ZBED2: variants seen among roughly 807,000 people sequenced by gnomAD.
ZBED2 encodes the protein zinc finger BED domain-containing protein 2.
For synonymous variants in ZBED2, 97 were observed against 98.8 expected (o/e 0.98, Z 0.11); for missense variants, 285 against 281.0 (o/e 1.01, Z -0.10).
chr3:111,593,417 T>A lies in ZBED2; in HGVS notation c.*128A>T, dbSNP rs561129460. 1 of 1,158,194 alleles carries A rather than the reference T, an allele frequency of 8.6e-7. No individual in the cohort carries two copies. The highest frequency in any genetic ancestry group is 1.6e-5 in the African/African-American group (1 of 64,508). The allele number at this position is 1,158,194 out of a possible 1,614,324, so 71.7% of individuals were successfully genotyped here. On this transcript the variant is annotated 3_prime_UTR_variant, in exon 2 of 2. Coordinates refer to ENST00000317012, the MANE Select transcript of ZBED2 (RefSeq NM_024508.5). ...CAGACCTGCTCAGATTAACTCATAC[T>A]GTGCACTATTTCACATAAAAGCAAA...
Position 111,593,322 on chromosome 3 carries a change from G to A in ZBED2, c.*223C>T. ...TGGTAGAAGCATTTATCTTTAATAGGTACATTTTAGAGTTTCGGCCAAGGG... is the reference window on the plus strand; with the variant it reads ...TGGTAGAAGCATTTATCTTTAATAGATACATTTTAGAGTTTCGGCCAAGGG... On this transcript the variant is annotated 3_prime_UTR_variant, in exon 2 of 2. Coordinates refer to ENST00000317012, the MANE Select transcript of ZBED2 (RefSeq NM_024508.5). The A allele has an allele frequency of 2.3e-6, 1 of 434,602 alleles. No individual in the cohort carries two copies. Among genetic ancestry groups the A allele is most frequent in the South Asian group, 9.8e-5 (1 of 10,242 alleles). 26.9% of individuals were successfully genotyped at this position (434,602 alleles called of 1,614,324 possible).
At position 111,593,070 on chromosome 3, in the gene ZBED2, A is replaced by G. The variant is rs914499316; in HGVS notation, c.*475T>C. On this transcript the variant is annotated 3_prime_UTR_variant, in exon 2 of 2. Transcript: ENST00000317012. The stretch of plus-strand genomic sequence containing the variant: ...ATACTGGTGGTCTGGAAACTCCACC[A>G]GTACATGTGCTAAGACCTCAGTCCT... 3 of 152,944 alleles carry G rather than the reference A, an allele frequency of 2.0e-5. No homozygotes were observed. The highest frequency in any genetic ancestry group is 4.1e-4 in the South Asian group (2 of 4,838). The allele number at this position is 152,944 out of a possible 1,614,324, so 9.5% of individuals were successfully genotyped here.
rs1937168400 is a variant in ZBED2 at position 111,594,608 on chromosome 3, T to A, written c.-407A>T. The A allele has an allele frequency of 5.6e-6, 1 of 178,654 alleles. No individual in the cohort carries two copies. The highest frequency in any genetic ancestry group is 1.8e-4 in the East Asian group (1 of 5,678). 11.1% of individuals were successfully genotyped at this position (178,654 alleles called of 1,614,324 possible). On this transcript the variant is annotated 5_prime_UTR_variant, in exon 2 of 2. Transcript: ENST00000317012. ...TTTGAATATTGAAAATTTTAGGTTT[T>A]CTTGTTTCTCCTCCTGGTTGTTTCC...
In ZBED2 at chr3:111,593,458, T is replaced by C. The variant is rs7612391; in HGVS notation, c.*87A>G. Reference sequence around the variant, plus strand: ...TAAAAGCAAAATGTCACCAAACTACTTTGCTTTACATTTGAGTTGAAACTA... The same window carrying C: ...TAAAAGCAAAATGTCACCAAACTACCTTGCTTTACATTTGAGTTGAAACTA... On this transcript the variant is annotated 3_prime_UTR_variant, in exon 2 of 2. Transcript: ENST00000317012. 0.036 allele frequency: 52,630 copies of C among 1,464,614 alleles called. 1,215 individuals carry two copies. Among genetic ancestry groups the C allele is most frequent in the South Asian group, 0.095 (6,471 of 67,814 alleles). 90.7% of individuals were successfully genotyped at this position (1,464,614 alleles called of 1,614,324 possible).
At position 111,594,030 on chromosome 3, in the gene ZBED2, A is replaced by C; in HGVS notation, c.172T>G (p.Trp58Gly). ...HNKGTRFSEA[W>G]EYFHLAPARA... ...GCAGGAGCTAGGTGGAAATATTCCCATGCCTCAGAGAACCGGGTGCCCTTG... is the reference window on the plus strand; with the variant it reads ...GCAGGAGCTAGGTGGAAATATTCCCCTGCCTCAGAGAACCGGGTGCCCTTG... The change falls in exon 2 of 2, where the codon TGG becomes GGG. Residue 58 changes from tryptophan to glycine, a missense_variant. Coordinates refer to ENST00000317012, the MANE Select transcript of ZBED2 (RefSeq NM_024508.5). The C allele has an allele frequency of 6.2e-7, 1 of 1,614,102 alleles. No homozygotes were observed. Among genetic ancestry groups the C allele is most frequent in the Non-Finnish European group, 8.5e-7 (1 of 1,180,000 alleles).
chr3:111,593,822 T>A lies in ZBED2; in HGVS notation c.380A>T (p.His127Leu). Residue 127 changes from histidine to leucine, a missense_variant, in exon 2 of 2, where the codon CAC becomes CTC. Coordinates refer to ENST00000317012, the MANE Select transcript of ZBED2 (RefSeq NM_024508.5). ...AATGCCTGTGGGGAGCTGGGGCCCG[T>A]GGGGCCTTGGATCCTGGCGCTGCCC... ...QAGQRQDPRPHGPQLPTGIEG... is the reference protein window; with the variant it reads ...QAGQRQDPRPLGPQLPTGIEG... 6.2e-7 allele frequency: 1 copy of A among 1,614,130 alleles called. No homozygotes were observed. Among genetic ancestry groups the A allele is most frequent in the South Asian group, 1.1e-5 (1 of 91,084 alleles).
rs146394022 is a variant in ZBED2 at position 111,593,734 on chromosome 3, C to T, written c.468G>A (p.Arg156=). Residue 156 remains arginine (R), a synonymous_variant, in exon 2 of 2, where the codon AGG becomes AGA. Transcript: ENST00000317012. ...TTTCCCTCCTAAGCACCTCCTTTTC[C>T]CTTTGGCTGGCCCACAAAGCCATGG... ...VGTMALWASQ[R]EKEVLRRERA... is the part of the protein sequence containing the mutation. The T allele has an allele frequency of 1.9e-6, 3 of 1,614,096 alleles. No homozygotes were observed. The highest frequency in any genetic ancestry group is 2.5e-6 in the Non-Finnish European group (3 of 1,180,036).
Position 111,594,736 on chromosome 3 carries a change from G to T in ZBED2, c.-535C>A, listed in dbSNP as rs999894200. The T allele has an allele frequency of 6.0e-6, 1 of 167,440 alleles. No individual in the cohort carries two copies. 10.4% of individuals were successfully genotyped at this position (167,440 alleles called of 1,614,324 possible). On this transcript the variant is annotated 5_prime_UTR_variant, in exon 2 of 2. Coordinates refer to ENST00000317012, the MANE Select transcript of ZBED2 (RefSeq NM_024508.5). ...GACCAACAGAGCTAGGGCCTCACTG[G>T]GTCTTGCTCAAAGTAGGTAAAAGCA... is the stretch of plus-strand genomic sequence containing the variant.
At position 111,593,555 on chromosome 3, in the gene ZBED2, T is replaced by G. The variant is rs1378661028; in HGVS notation, c.647A>C (p.His216Pro). ...KELPAAVHPF[H>P]FV ...TTCTCCAAGCCCAATTTAAACAAAA[T>G]GGAAGGGATGTACTGCTGCAGGCAG... The change falls in exon 2 of 2, where the codon CAT becomes CCT. Residue 216 changes from histidine to proline, a missense_variant. His to Pro is a moderately conservative substitution (Grantham distance 77, BLOSUM62 -2). Coordinates refer to ENST00000317012, the MANE Select transcript of ZBED2 (RefSeq NM_024508.5). 4 of 1,515,130 alleles carry G rather than the reference T, an allele frequency of 2.6e-6. No homozygotes were observed. The highest frequency in any genetic ancestry group is 3.5e-6 in the Non-Finnish European group (4 of 1,131,454). 93.9% of individuals were successfully genotyped at this position (1,515,130 alleles called of 1,614,324 possible).
rs147488602 is a variant in ZBED2, at chr3:111,593,840, C to A, written c.362G>T (p.Arg121Leu). The A allele has an allele frequency of 6.2e-7, 1 of 1,613,990 alleles. No homozygotes were observed. Among genetic ancestry groups the A allele is most frequent in the Non-Finnish European group, 8.5e-7 (1 of 1,180,024 alleles). The change falls in exon 2 of 2, where the codon CGC becomes CTC. Residue 121 changes from arginine (R) to leucine (L), a missense_variant. Coordinates refer to ENST00000317012, the MANE Select transcript of ZBED2 (RefSeq NM_024508.5). ...EKSGHGQAGQ[R>L]QDPRPHGPQL... is the part of the protein sequence containing the mutation. The stretch of plus-strand genomic sequence containing the variant: ...GGGCCCGTGGGGCCTTGGATCCTGG[C>A]GCTGCCCAGCCTGACCATGGCCACT...
chr3:111,593,147 A>G lies in ZBED2; in HGVS notation c.*398T>C, dbSNP rs554321704. 57 of 164,022 alleles carry G rather than the reference A, an allele frequency of 3.5e-4. No individual in the cohort carries two copies. Among genetic ancestry groups the G allele is most frequent in the South Asian group, 1.2e-3 (7 of 5,632 alleles). The allele number at this position is 164,022 out of a possible 1,614,324, so 10.2% of individuals were successfully genotyped here. A position where few individuals can be genotyped will look rare whatever the true frequency, so the allele number is the denominator to read the frequency against. ...GGGTGTCTGCAAGTGAGCTGGTCAC[A>G]TAGGCACATTCCAGCTACCTAACCA... is the stretch of plus-strand genomic sequence containing the variant. On this transcript the variant is annotated 3_prime_UTR_variant, in exon 2 of 2. Transcript: ENST00000317012.
rs2107626830 is a variant in ZBED2 at position 111,593,500 on chromosome 3, C to T, written c.*45G>A. The T allele has an allele frequency of 6.7e-7, 1 of 1,500,168 alleles. No individual in the cohort carries two copies. Among genetic ancestry groups the T allele is most frequent in the Non-Finnish European group, 8.9e-7 (1 of 1,125,070 alleles). The allele number at this position is 1,500,168 out of a possible 1,614,324, so 92.9% of individuals were successfully genotyped here. On this transcript the variant is annotated 3_prime_UTR_variant, in exon 2 of 2. Transcript: ENST00000317012. ...TTGAAACTAAAATGGCTCTTTTCTA[C>T]AAGTCTAGAGTCAATGTTTTCAGAA...
chr3:111,593,474 G>A lies in ZBED2; in HGVS notation c.*71C>T. 1 of 1,489,678 alleles carries A rather than the reference G, an allele frequency of 6.7e-7. No individual in the cohort carries two copies. Among genetic ancestry groups the A allele is most frequent in the Non-Finnish European group, 8.9e-7 (1 of 1,121,562 alleles). 92.3% of individuals were successfully genotyped at this position (1,489,678 alleles called of 1,614,324 possible). ...CCAAACTACTTTGCTTTACATTTGA[G>A]TTGAAACTAAAATGGCTCTTTTCTA... On this transcript the variant is annotated 3_prime_UTR_variant, in exon 2 of 2. Coordinates refer to ENST00000317012, the MANE Select transcript of ZBED2 (RefSeq NM_024508.5).
chr3:111,594,014 A>G lies in ZBED2; in HGVS notation c.188T>C (p.Leu63Pro). The change falls in exon 2 of 2, where the codon CTA becomes CCA. Residue 63 changes from leucine to proline, a missense_variant. Physicochemically the swap from Leu to Pro is moderately conservative, Grantham distance 98. Coordinates refer to ENST00000317012, the MANE Select transcript of ZBED2 (RefSeq NM_024508.5). ...ATGGTGCCCAGCACGAGCAGGAGCT[A>G]GGTGGAAATATTCCCATGCCTCAGA... is the stretch of plus-strand genomic sequence containing the variant. Reference protein sequence around the residue: ...RFSEAWEYFHLAPARAGHHPN... With the variant: ...RFSEAWEYFHPAPARAGHHPN... 2 of 1,614,180 alleles carry G rather than the reference A, an allele frequency of 1.2e-6. No homozygotes were observed. The highest frequency in any genetic ancestry group is 2.2e-5 in the East Asian group (1 of 44,878).
In ZBED2 at chr3:111,594,052, C is replaced by T. The variant is rs770472872; in HGVS notation, c.150G>A (p.Lys50=). ...SAMPTPMPHN[K]GTRFSEAWEY... ...CCCATGCCTCAGAGAACCGGGTGCC[C>T]TTGTTGTGGGGCATTGGAGTGGGCA... The change falls in exon 2 of 2, where the codon AAG becomes AAA. Residue 50 remains lysine, a synonymous_variant. Coordinates refer to ENST00000317012, the MANE Select transcript of ZBED2 (RefSeq NM_024508.5). 6.2e-7 allele frequency: 1 copy of T among 1,614,166 alleles called. No individual in the cohort carries two copies. The highest frequency in any genetic ancestry group is 1.3e-5 in the African/African-American group (1 of 75,054).
In ZBED2 at chr3:111,594,257, T is replaced by A; in HGVS notation, c.-56A>T. On this transcript the variant is annotated 5_prime_UTR_variant, in exon 2 of 2. Coordinates refer to ENST00000317012, the MANE Select transcript of ZBED2 (RefSeq NM_024508.5). ...TGCTTAGATGTGAGCCAAAAGCTTA[T>A]TTGAACCACAAGATTAAATATATAT... The A allele has an allele frequency of 6.6e-7, 1 of 1,509,736 alleles. No individual in the cohort carries two copies. The highest frequency in any genetic ancestry group is 1.3e-5 in the South Asian group (1 of 74,516). 93.5% of individuals were successfully genotyped at this position (1,509,736 alleles called of 1,614,324 possible). A position where few individuals can be genotyped will look rare whatever the true frequency, so the allele number is the denominator to read the frequency against.
Position 111,594,019 on chromosome 3 carries a change from G to A in ZBED2, c.183C>T (p.Phe61=). The part of the protein sequence containing the change: ...GTRFSEAWEY[F]HLAPARAGHH... ...GCCCAGCACGAGCAGGAGCTAGGTG[G>A]AAATATTCCCATGCCTCAGAGAACC... is the stretch of plus-strand genomic sequence containing the variant. The change falls in exon 2 of 2, where the codon TTC becomes TTT. Residue 61 remains phenylalanine (F), a synonymous_variant. Transcript: ENST00000317012. 6.2e-7 allele frequency: 1 copy of A among 1,614,186 alleles called. No homozygotes were observed. Among genetic ancestry groups the A allele is most frequent in the Non-Finnish European group, 8.5e-7 (1 of 1,180,018 alleles).
Position 111,593,708 on chromosome 3 carries a change from C to T in ZBED2, c.494G>A (p.Arg165Lys), listed in dbSNP as rs202151657. 22 of 1,614,036 alleles carry T rather than the reference C, an allele frequency of 1.4e-5. No homozygotes were observed. The highest frequency in any genetic ancestry group is 1.5e-5 in the Non-Finnish European group (18 of 1,180,010). The change falls in exon 2 of 2, where the codon AGG (arginine) becomes AAG (lysine). Residue 165 changes from arginine to lysine, a missense_variant. Arg to Lys is a conservative substitution (Grantham distance 26). Coordinates refer to ENST00000317012, the MANE Select transcript of ZBED2 (RefSeq NM_024508.5). ...AGCCCTCTCCCGCCATTCCACTGCCCTTTCCCTCCTAAGCACCTCCTTTTC... is the reference window on the plus strand; with the variant it reads ...AGCCCTCTCCCGCCATTCCACTGCCTTTTCCCTCCTAAGCACCTCCTTTTC... Reference protein sequence around the residue: ...QREKEVLRRERAVEWRERAVE... With the variant: ...QREKEVLRREKAVEWRERAVE...
Position 111,593,733 on chromosome 3 carries a change from C to T in ZBED2, c.469G>A (p.Glu157Lys), listed in dbSNP as rs372487455. Residue 157 changes from glutamate to lysine, a missense_variant, in exon 2 of 2, where the codon GAA (glutamate) becomes AAA (lysine). Glu to Lys is a moderately conservative substitution (Grantham distance 56). Transcript: ENST00000317012. ...CTTTCCCTCCTAAGCACCTCCTTTT[C>T]CCTTTGGCTGGCCCACAAAGCCATG... ...GTMALWASQREKEVLRRERAV... is the reference protein window; with the variant it reads ...GTMALWASQRKKEVLRRERAV... 85 of 1,614,104 alleles carry T rather than the reference C, an allele frequency of 5.3e-5. No individual in the cohort carries two copies. The highest frequency in any genetic ancestry group is 1.8e-4 in the Admixed American group (11 of 60,000).
Sources: allele counts gnomAD v4.1 joint callset, GRCh38; gene constraint gnomAD v4.1.1; transcripts MANE v1.5; gene names NCBI Gene and HGNC (gene_info 2026-07-23, HGNC 2026-07-21).